Variants in CNBD1 observed in about 807,000 individuals in gnomAD.
The protein encoded by CNBD1 is cyclic nucleotide binding domain containing 1.
Under a neutral mutation model 54.4 loss-of-function variants are expected in CNBD1, and 71 were observed. The ratio of observed to expected loss-of-function variants is 1.30; its 90% CI spans 1.08 to 1.59. The LOEUF is 1.59. Ranked by LOEUF, CNBD1 falls within the 40% of genes most tolerant of loss-of-function variation. The pLI is 0.00. For synonymous variants in CNBD1, 182 were observed against 170.7 expected (o/e 1.07, Z -0.51); for missense variants, 659 against 518.0 (o/e 1.27, Z -2.64).
At chr8:87,356,638 A>C (rs77589536) in intron 10 of CNBD1, among the ~76,000 whole-genome samples, 3,666 of 152,260 alleles carry the variant, frequency 0.024, 148 homozygotes, top group African/African-American at 0.081. Flanking sequence ...AACGTTGGAA[A>C]TTATAATTAA....
chr8:87,100,824 C>A (rs912386430), intron 4 of CNBD1, among the ~76,000 whole-genome samples: 1 of 152,106 alleles, frequency 6.6e-6, no homozygotes, highest in Non-Finnish European at 1.5e-5. Context: ...AAGTTCAGAG[C>A]TGACAGAGTG....
chr8:87,333,272 G>A (rs1809872818), intron 8 of CNBD1, among the ~76,000 whole-genome samples: 1 of 152,132 alleles, frequency 6.6e-6, no homozygotes, highest in Admixed American at 6.5e-5. Context: ...GAGTTTTTGG[G>A]ATGAGACAAT....
chr8:87,039,346 T>G (rs1424724783), intron 4 of CNBD1, among the ~76,000 whole-genome samples: 1 of 152,226 alleles, frequency 6.6e-6, no homozygotes, highest in Non-Finnish European at 1.5e-5. Context: ...ACTCAGTGGA[T>G]CATATATTTA....
At chr8:87,227,186 C>T (rs1376574929) in intron 5 of CNBD1, among the ~76,000 whole-genome samples, 14 of 152,064 alleles carry the variant, frequency 9.2e-5, no homozygotes, top group Admixed American at 9.2e-4. Context: ...GGTCTTGACT[C>T]TTTATCCAAT....
chr8:86,903,289 C>T (rs570480794), intron 2 of CNBD1, among the ~76,000 whole-genome samples: 6 of 152,004 alleles, frequency 3.9e-5, no homozygotes, highest in Non-Finnish European at 7.4e-5. Context: ...AGGTTATACA[C>T]ATAAAAAATG....
chr8:87,000,828 T>C (rs1381011270), intron 4 of CNBD1, among the ~76,000 whole-genome samples: 1 of 152,212 alleles, frequency 6.6e-6, no homozygotes, highest in African/African-American at 2.4e-5. Context: ...GTAGGTAATT[T>C]GCTTTTGCTA....
At chr8:87,251,676 T>A (rs893156432) in intron 6 of CNBD1, among the ~76,000 whole-genome samples, 1 of 152,016 alleles carries the variant, frequency 6.6e-6, no homozygotes, top group Non-Finnish European at 1.5e-5. Context: ...CCAAATGCTA[T>A]GGTACCATTC....
chr8:87,314,212 A>G (rs1324665189), intron 8 of CNBD1, among the ~76,000 whole-genome samples: 1 of 151,992 alleles, frequency 6.6e-6, no homozygotes, highest in Non-Finnish European at 1.5e-5. Context: ...TAAAAATCCT[A>G]AAAATTCTAT....
intron 4 of CNBD1, among the ~76,000 whole-genome samples, chr8:87,066,612 T>A (rs151162426): frequency 0.014 from 2,180 of 152,004 alleles, 19 homozygotes; most frequent in Non-Finnish European, 0.023. Flanking sequence ...GTAGGAAGAC[T>A]TTTTTTAAAC....
In CNBD1 at chr8:87,329,519, C is replaced by T. The variant is rs542973021; in HGVS notation, c.1043-22166C>T. 3.2e-3 allele frequency among the ~76,000 whole-genome samples: 481 copies of T among 152,024 alleles called. 2 individuals carry two copies. Among genetic ancestry groups the T allele is most frequent in the African/African-American group, 0.011 (454 of 41,480 alleles). On this transcript the variant is annotated intron_variant, in intron 8 of 10. Transcript: ENST00000518476. ...AGTCTAATATCTTAAAATATTGGAG[C>T]CTTGCATTCATGAAATATAATATCT...
chr8:87,078,415 C>G (rs1810919558), intron 4 of CNBD1, among the ~76,000 whole-genome samples: 1 of 152,150 alleles, frequency 6.6e-6, no homozygotes, highest in African/African-American at 2.4e-5. Context: ...GATAAAATAT[C>G]TATTTCAAGC....
chr8:86,944,920 T>C (rs1006584377), intron 4 of CNBD1, among the ~76,000 whole-genome samples: 2 of 152,154 alleles, frequency 1.3e-5, no homozygotes, highest in African/African-American at 4.8e-5. Context: ...GAATTTGATT[T>C]TCTCTCTCTT....
At chr8:87,130,775 T>C (rs1428920429) in intron 4 of CNBD1, among the ~76,000 whole-genome samples, 1 of 138,582 alleles carries the variant, frequency 7.2e-6, no homozygotes, top group Non-Finnish European at 1.5e-5. Flanking sequence ...AGATCCTGTC[T>C]CAAAAAAAAA....
chr8:87,393,123 TG>T (rs112720882), intron 2 of CNBD1, among the ~76,000 whole-genome samples: 2,270 of 152,012 alleles, frequency 0.015, 57 homozygotes, highest in African/African-American at 0.049. Context: ...AGAGTAATTT[TG>T]TGACTGGAAT....
intron 4 of CNBD1, among the ~76,000 whole-genome samples, chr8:87,157,632 T>C (rs960309899): frequency 6.6e-6 from 1 of 152,136 alleles, no homozygotes; most frequent in African/African-American, 2.4e-5. Context: ...CCTTTTGAAG[T>C]GCCTATACAC....
At chr8:87,157,709 C>G (rs1483977712) in intron 4 of CNBD1, among the ~76,000 whole-genome samples, 1 of 152,166 alleles carries the variant, frequency 6.6e-6, no homozygotes, top group Non-Finnish European at 1.5e-5. Flanking sequence ...GCAGAGGGGT[C>G]TCAAAATCCT....
At chr8:87,106,177 A>ATTCCT (rs1414786723) in intron 4 of CNBD1, among the ~76,000 whole-genome samples, 2 of 123,400 alleles carry the variant, frequency 1.6e-5, no homozygotes, top group Admixed American at 8.0e-5. Flanking sequence ...ATTCCTTTCC[A>ATTCCT]TTCCTTTCCT....
chr8:87,331,520 CAT>C (rs2130910552), intron 8 of CNBD1, among the ~76,000 whole-genome samples: 1 of 152,288 alleles, frequency 6.6e-6, no homozygotes, highest in East Asian at 1.9e-4. Context: ...CTGCAATAAA[CAT>C]ATGTGTGCAT....
intron 4 of CNBD1, among the ~76,000 whole-genome samples, chr8:86,976,666 G>T (rs985088455): frequency 2.6e-5 from 4 of 151,912 alleles, no homozygotes; most frequent in Non-Finnish European, 4.4e-5. Flanking sequence ...TCCCATTCAT[G>T]AACATAGAAT....
Sources: allele counts gnomAD v4.1 joint callset (sites outside exome capture counted in the v4.1 genomes callset), GRCh38; gene constraint gnomAD v4.1.1; transcripts MANE v1.5; gene names NCBI Gene and HGNC (gene_info 2026-07-23, HGNC 2026-07-21).